Variants in PPP1R16B observed in about 807,000 individuals in gnomAD.
PPP1R16B encodes protein phosphatase 1 regulatory subunit 16B.
In PPP1R16B, 14 loss-of-function variants were observed where a neutral mutation model predicts 61.7. The observed-to-expected ratio is 0.23, with a 90% CI of 0.15 to 0.35. The LOEUF (loss-of-function observed/expected upper bound fraction) is 0.35, where lower values mean the gene tolerates loss of function less well. PPP1R16B is among the 10% of genes least tolerant of loss of function. The pLI, the probability that PPP1R16B is intolerant of heterozygous loss-of-function variation, is 1.00. For synonymous variants in PPP1R16B, 266 were observed against 305.3 expected (o/e 0.87, Z 1.34); for missense variants, 547 against 752.5 (o/e 0.73, Z 3.19).
At chr20:38,851,503 A>G (rs767806545) in intron 2 of PPP1R16B, among the ~76,000 whole-genome samples, 10 of 152,016 alleles carry the variant, frequency 6.6e-5, no homozygotes, top group Non-Finnish European at 1.5e-4. Context: ...AACTTAGAAG[A>G]CGATTTCTCT....
At chr20:38,870,571 A>G (rs2085121836) in intron 2 of PPP1R16B, among the ~76,000 whole-genome samples, 2 of 152,138 alleles carry the variant, frequency 1.3e-5, no homozygotes, top group Non-Finnish European at 2.9e-5. Flanking sequence ...AGGCAGAACA[A>G]AATAGCACAA....
intron 1 of PPP1R16B, among the ~76,000 whole-genome samples, chr20:38,826,390 T>C (rs571599679): frequency 6.6e-6 from 1 of 152,238 alleles, no homozygotes; most frequent in African/African-American, 2.4e-5. Flanking sequence ...GCCCCTGTCC[T>C]TGGCACCCTT....
chr20:38,838,647 T>C (rs1165405484), intron 2 of PPP1R16B: 4 of 152,298 alleles, frequency 2.6e-5, no homozygotes, highest in Non-Finnish European at 5.9e-5. Flanking sequence ...TGATGTCTAA[T>C]TTTTGTTGGG....
chr20:38,841,351 C>G (rs1233986200), intron 2 of PPP1R16B, among the ~76,000 whole-genome samples: 1 of 82,132 alleles, frequency 1.2e-5, no homozygotes, highest in Non-Finnish European at 2.2e-5. Flanking sequence ...CCTGTCTGTA[C>G]TGAAAAAAAA....
At chr20:38,832,003 G>T (rs1003045756) in intron 1 of PPP1R16B, among the ~76,000 whole-genome samples, 2 of 152,196 alleles carry the variant, frequency 1.3e-5, no homozygotes, top group African/African-American at 2.4e-5. Context: ...ACCTTTGAGC[G>T]CTGCCTAACT....
intron 2 of PPP1R16B, among the ~76,000 whole-genome samples, chr20:38,837,836 C>T (rs767582245): frequency 6.6e-6 from 1 of 152,224 alleles, no homozygotes; most frequent in Non-Finnish European, 1.5e-5. Context: ...GCATGAGTCA[C>T]TGTGCCTGGC....
At chr20:38,868,674 T>G (rs576646352) in intron 2 of PPP1R16B, among the ~76,000 whole-genome samples, 2 of 152,292 alleles carry the variant, frequency 1.3e-5, no homozygotes, top group East Asian at 3.9e-4. Flanking sequence ...CTAATATATG[T>G]TATCACAACC....
chr20:38,865,352 C>G (rs1209958496), intron 2 of PPP1R16B, among the ~76,000 whole-genome samples: 1 of 150,960 alleles, frequency 6.6e-6, no homozygotes, highest in African/African-American at 2.4e-5. Flanking sequence ...TGCAGTGGCG[C>G]GATCTCGGCT....
intron 2 of PPP1R16B, among the ~76,000 whole-genome samples, chr20:38,875,377 C>T (rs2085158509): frequency 6.6e-6 from 1 of 152,206 alleles, no homozygotes; most frequent in South Asian, 2.1e-4. Context: ...TCTCTGCCCA[C>T]CCAGCTGCCC....
At chr20:38,847,855 T>C (rs2084944779) in intron 2 of PPP1R16B, among the ~76,000 whole-genome samples, 1 of 152,220 alleles carries the variant, frequency 6.6e-6, no homozygotes. Context: ...TTTAATGTTT[T>C]GTTTATAGTA....
chr20:38,902,442 T>C (rs1041062311), intron 5 of PPP1R16B, among the ~76,000 whole-genome samples: 4 of 152,192 alleles, frequency 2.6e-5, no homozygotes, highest in African/African-American at 9.7e-5. Flanking sequence ...AAGTGACCAA[T>C]ATGAATCCAT....
chr20:38,904,456 C>A (rs1433063119), intron 6 of PPP1R16B, among the ~76,000 whole-genome samples: 1 of 152,232 alleles, frequency 6.6e-6, no homozygotes, highest in Non-Finnish European at 1.5e-5. Context: ...TCTGCAAATT[C>A]TCAATAGATG....
At chr20:38,882,833 A>G (rs2085212612) in intron 2 of PPP1R16B, among the ~76,000 whole-genome samples, 3 of 152,220 alleles carry the variant, frequency 2.0e-5, no homozygotes, top group Admixed American at 2.0e-4. Context: ...AGAGTTTGCC[A>G]GCCCAAGAAT....
intron 2 of PPP1R16B, chr20:38,838,031 G>A (rs2084883909): frequency 6.6e-6 from 1 of 152,216 alleles, no homozygotes; most frequent in African/African-American, 2.4e-5. Context: ...CCTTGACCAA[G>A]GTGGCAGAGC....
At chr20:38,842,097 C>T (rs888058810) in intron 2 of PPP1R16B, among the ~76,000 whole-genome samples, 3 of 152,182 alleles carry the variant, frequency 2.0e-5, no homozygotes, top group Non-Finnish European at 2.9e-5. Flanking sequence ...AAGTCACCTG[C>T]CAAGGTCTCA....
In PPP1R16B at chr20:38,806,016, C is replaced by G. The variant is rs1601223097; in HGVS notation, c.-102+224C>G. On this transcript the variant is annotated intron_variant, in intron 1 of 10. Coordinates refer to ENST00000299824, the MANE Select transcript of PPP1R16B (RefSeq NM_015568.4). The surrounding 1 kb of genome is among the most constrained non-coding windows in gnomAD (Gnocchi z 4.5). ...GGAGTCGGGCTGGAATGGGGGCGTT[C>G]TCCCCGGCCTCGCAATTCCTTGACG... 2.6e-5 allele frequency among the ~76,000 whole-genome samples: 4 copies of G among 151,934 alleles called. No individual in the cohort carries two copies. Among genetic ancestry groups the G allele is most frequent in the Admixed American group, 2.6e-4 (4 of 15,294 alleles).
chr20:38,849,126 G>C (rs1253632954), intron 2 of PPP1R16B, among the ~76,000 whole-genome samples: 1 of 152,062 alleles, frequency 6.6e-6, no homozygotes, highest in Non-Finnish European at 1.5e-5. Flanking sequence ...TGTTTTTGTT[G>C]TTGTTACTGT....
At chr20:38,865,147 C>T (rs891689151) in intron 2 of PPP1R16B, among the ~76,000 whole-genome samples, 7 of 152,082 alleles carry the variant, frequency 4.6e-5, no homozygotes, top group African/African-American at 1.4e-4. Context: ...CCTGGGGCCC[C>T]GGTTGAGGGA....
chr20:38,863,028 C>T (rs2085064394), intron 2 of PPP1R16B, among the ~76,000 whole-genome samples: 1 of 152,152 alleles, frequency 6.6e-6, no homozygotes, highest in African/African-American at 2.4e-5. Context: ...TTCCCTGGTG[C>T]TTGGAGACCA....
Sources: allele counts gnomAD v4.1 joint callset (sites outside exome capture counted in the v4.1 genomes callset), GRCh38; gene constraint gnomAD v4.1.1; non-coding constraint Gnocchi (gnomAD v3.1); transcripts MANE v1.5; gene names NCBI Gene and HGNC (gene_info 2026-07-23, HGNC 2026-07-21).